Variants in ABCG5 observed in about 807,000 individuals in gnomAD.
The protein encoded by ABCG5 is ATP-binding cassette sub-family G member 5.
Under a neutral mutation model 64.5 loss-of-function variants are expected in ABCG5, and 64 were observed. The observed-to-expected ratio is 0.99, with a 90% CI of 0.81 to 1.22. The LOEUF (loss-of-function observed/expected upper bound fraction) is 1.22, where lower values mean the gene tolerates loss of function less well. ABCG5 is among the 50% of genes most tolerant of loss of function. The probability of loss-of-function intolerance (pLI) is 0.00; values close to 1 mark genes in which losing one functional copy is unlikely to be tolerated. For missense variants in ABCG5, 908 were observed against 829.5 expected (o/e 1.09, Z -1.16); for synonymous variants, 385 against 326.3 (o/e 1.18, Z -1.94).
At position 43,821,639 on chromosome 2, in the gene ABCG5, G is replaced by A. The variant is rs542207326; in HGVS notation, c.1463+1158C>T. Among the ~76,000 whole-genome samples the A allele has an allele frequency of 1.1e-4, 16 of 152,182 alleles. No individual in the cohort carries two copies. In the South Asian group the frequency reaches 2.7e-3, roughly 26 times the overall value. Reference sequence around the variant, plus strand: ...GGTGTGCTGGACAATGCCTATTGCCGCACTAACTGGATCCCCTCTGCCACT... The same window carrying A: ...GGTGTGCTGGACAATGCCTATTGCCACACTAACTGGATCCCCTCTGCCACT... On this transcript the variant is annotated intron_variant, in intron 10 of 12. Coordinates refer to ENST00000405322, the MANE Select transcript of ABCG5 (RefSeq NM_022436.3).
chr2:43,819,629 C>T (rs913450479), intron 11 of ABCG5, among the ~76,000 whole-genome samples: 3 of 152,108 alleles, frequency 2.0e-5, no homozygotes, highest in Non-Finnish European at 2.9e-5. Flanking sequence ...TTTCCTGGAA[C>T]ATCCGGGCTG....
In ABCG5 at chr2:43,834,466, T is replaced by C. The variant is rs551109113; in HGVS notation, c.266-2383A>G. The stretch of plus-strand genomic sequence containing the variant: ...TCTGATCCATAGACATTCTGAGAGA[T>C]CATGAATGGTGTTGTTTTAAGCCAC... On this transcript the variant is annotated intron_variant, in intron 2 of 12. Coordinates refer to ENST00000405322, the MANE Select transcript of ABCG5 (RefSeq NM_022436.3). Among the ~76,000 whole-genome samples the C allele has an allele frequency of 3.0e-4, 45 of 152,352 alleles. 1 individual carries two copies. The highest frequency in any genetic ancestry group is 1.1e-3 in the African/African-American group (44 of 41,592).
At chr2:43,813,709 GTTTTTTTTTT>G (rs1214033245) in intron 12 of ABCG5, among the ~76,000 whole-genome samples, 392 of 34,070 alleles carry the variant, frequency 0.012, 6 homozygotes, top group African/African-American at 0.047. Flanking sequence ...TTTTTTTTTC[GTTTTTTTTTT>G]TTTTTTTTTT....
intron 4 of ABCG5, among the ~76,000 whole-genome samples, chr2:43,829,338 G>A (rs930040658): frequency 6.6e-6 from 1 of 152,192 alleles, no homozygotes; most frequent in Non-Finnish European, 1.5e-5. Flanking sequence ...GCCTTCAGAA[G>A]TAATTAAAAA....
chr2:43,827,947 A>G, intron 5 of ABCG5, 36 bp downstream of exon 5: 1 of 1,612,876 alleles, frequency 6.2e-7, no homozygotes, highest in Non-Finnish European at 8.5e-7. Flanking sequence ...GAAGATGCCC[A>G]GACAGCAGCT....
At chr2:43,830,670 C>T (rs1667902048) in intron 4 of ABCG5, among the ~76,000 whole-genome samples, 1 of 151,774 alleles carries the variant, frequency 6.6e-6, no homozygotes, top group Non-Finnish European at 1.5e-5. Flanking sequence ...TTGGAGAGAA[C>T]TCTGCTATCG....
chr2:43,825,845 AG>A, intron 6 of ABCG5, among the ~76,000 whole-genome samples: 1 of 152,286 alleles, frequency 6.6e-6, no homozygotes, highest in South Asian at 2.1e-4. Context: ...ACCTCATAGG[AG>A]TGTTGTGCAG....
chr2:43,832,112 G>A, intron 2 of ABCG5, 29 bp from the exon 3 acceptor site: 2 of 1,566,302 alleles, frequency 1.3e-6, no homozygotes, highest in Non-Finnish European at 1.7e-6. Flanking sequence ...AGGCCCTAGA[G>A]GAACCACTCT....
At chr2:43,813,479 T>C (rs1044315270) in intron 12 of ABCG5, among the ~76,000 whole-genome samples, 170 bp from the exon 13 acceptor site, 3 of 152,184 alleles carry the variant, frequency 2.0e-5, no homozygotes, top group Admixed American at 2.0e-4. Context: ...GGCCTTTGGC[T>C]TCATTTGAAG....
At position 43,832,362 on chromosome 2, in the gene ABCG5, C is replaced by T. The variant is rs902272469; in HGVS notation, c.266-279G>A. ...TGGGTCAAGACCGAACGTGCTTTCTCTGCTTGTTTATTTGTCTTTAAAACT... is the reference window on the plus strand; with the variant it reads ...TGGGTCAAGACCGAACGTGCTTTCTTTGCTTGTTTATTTGTCTTTAAAACT... On this transcript the variant is annotated intron_variant, in intron 2 of 12. Coordinates refer to ENST00000405322, the MANE Select transcript of ABCG5 (RefSeq NM_022436.3). 1.2e-5 allele frequency: 7 copies of T among 570,144 alleles called. No individual in the cohort carries two copies. The South Asian group carries it at 1.6e-4, about 13-fold the overall frequency. The allele number at this position is 570,144 out of a possible 1,614,324, so 35.3% of individuals were successfully genotyped here.
At chr2:43,828,434 G>C (rs900005451) in intron 4 of ABCG5, 1 of 382,532 alleles carries the variant, frequency 2.6e-6, no homozygotes, top group African/African-American at 2.5e-5. Context: ...CCAGGAGTTT[G>C]AGACCAGCTT....
downstream of ABCG5, chr2:43,810,031 T>C: frequency 1.1e-6 from 1 of 905,394 alleles, no homozygotes; most frequent in Admixed American, 4.6e-5. Flanking sequence ...TGGTATATAC[T>C]CAATTCAGCA....
chr2:43,811,322 C>T (rs991575572), downstream of ABCG5, among the ~76,000 whole-genome samples: 1 of 152,126 alleles, frequency 6.6e-6, no homozygotes, highest in Admixed American at 6.6e-5. Context: ...GATAATTTAC[C>T]AATGCCTCCA....
chr2:43,822,471 C>G, intron 10 of ABCG5: 85 of 552,694 alleles, frequency 1.5e-4, no homozygotes, highest in Non-Finnish European at 1.8e-4. Flanking sequence ...TTTCTCCCCT[C>G]CCCCAGGCCC....
chr2:43,827,944 C>T, intron 5 of ABCG5, 39 bp downstream of exon 5: 2 of 1,611,900 alleles, frequency 1.2e-6, no homozygotes, highest in Non-Finnish European at 1.7e-6. Flanking sequence ...ACAGAAGATG[C>T]CCAGACAGCA....
chr2:43,817,716 C>G (rs1007319660), intron 11 of ABCG5, among the ~76,000 whole-genome samples: 41 of 152,064 alleles, frequency 2.7e-4, no homozygotes, highest in African/African-American at 9.6e-4. Flanking sequence ...TTGAGACCAA[C>G]CTGGCCAAAA....
intron 11 of ABCG5, among the ~76,000 whole-genome samples, chr2:43,816,448 G>A (rs1163006626): frequency 6.6e-6 from 1 of 152,194 alleles, no homozygotes; most frequent in Non-Finnish European, 1.5e-5. Context: ...GAGAGAAATG[G>A]ATCAGTGAAA....
rs1192892453 is a variant in ABCG5 at position 43,824,304 on chromosome 2, T to C, written c.1033A>G (p.Met345Val). 1 of 1,614,132 alleles carries C rather than the reference T, an allele frequency of 6.2e-7. No homozygotes were observed. The highest frequency in any genetic ancestry group is 8.5e-7 in the Non-Finnish European group (1 of 1,180,056). ...ATTGGTAACGTTTTCAGGTGTTTCA[T>C]TCTTTCAATATTCTTCAAAGTTTTA... Reference protein sequence around the residue: ...CHKTLKNIERMKHLKTLPMVP... With the variant: ...CHKTLKNIERVKHLKTLPMVP... The change falls in exon 8 of 13, where the codon ATG (methionine) becomes GTG (valine). Residue 345 changes from methionine to valine, a missense_variant. Met to Val is a conservative substitution (Grantham distance 21, BLOSUM62 1). Coordinates refer to ENST00000405322, the MANE Select transcript of ABCG5 (RefSeq NM_022436.3).
rs780639375 is a variant in ABCG5 at position 43,824,379 on chromosome 2, T to C, written c.958A>G (p.Lys320Glu). ...GCAGATTCTATCATCTGGACTCTCT[T>C]GGAGGTTTCTATTTCCCGTTCCTTG... ...QSKEREIETSKRVQMIESAYK... is the reference protein window; with the variant it reads ...QSKEREIETSERVQMIESAYK... The change falls in exon 8 of 13, where the codon AAG (lysine) becomes GAG (glutamate). Residue 320 changes from lysine to glutamate, a missense_variant. By Grantham distance (56) the Lys-to-Glu change is moderately conservative. Coordinates refer to ENST00000405322, the MANE Select transcript of ABCG5 (RefSeq NM_022436.3). 2.0e-5 allele frequency: 32 copies of C among 1,614,216 alleles called. No individual in the cohort carries two copies. The highest frequency in any genetic ancestry group is 2.5e-5 in the Non-Finnish European group (29 of 1,180,046).
Sources: allele counts gnomAD v4.1 joint callset (sites outside exome capture counted in the v4.1 genomes callset), GRCh38; gene constraint gnomAD v4.1.1; transcripts MANE v1.5; gene names NCBI Gene and HGNC (gene_info 2026-07-23, HGNC 2026-07-21).